ZNF618: variants seen among roughly 807,000 people sequenced by gnomAD.
The protein encoded by ZNF618 is neural precursor cell expressed, developmentally down-regulated 10.
Under a neutral mutation model 103.0 loss-of-function variants are expected in ZNF618, and 34 were observed. The observed-to-expected ratio is 0.33, with a 90% CI of 0.25 to 0.44. The LOEUF (loss-of-function observed/expected upper bound fraction) is 0.44, where lower values mean the gene tolerates loss of function less well. ZNF618 is among the 20% of genes least tolerant of loss of function. The pLI is 1.00. For synonymous variants in ZNF618, 551 were observed against 542.2 expected (o/e 1.02, Z -0.23); for missense variants, 1,059 against 1,295.4 (o/e 0.82, Z 2.80).
intron 3 of ZNF618, among the ~76,000 whole-genome samples, chr9:113,994,266 G>T (rs1221138238): frequency 1.3e-5 from 2 of 152,248 alleles, no homozygotes; most frequent in Non-Finnish European, 2.9e-5. Flanking sequence ...GCCTGTGACA[G>T]ACCCAGGCAG....
chr9:113,878,686 C>T (rs751409215), intron 1 of ZNF618, among the ~76,000 whole-genome samples: 3 of 152,094 alleles, frequency 2.0e-5, no homozygotes, highest in Admixed American at 6.5e-5. Context: ...ACTTGCAGGG[C>T]GGGATCTTGG....
intron 13 of ZNF618, among the ~76,000 whole-genome samples, chr9:114,044,642 T>A (rs1284962327): frequency 1.3e-5 from 2 of 152,190 alleles, no homozygotes; most frequent in African/African-American, 4.8e-5. Flanking sequence ...GTATGGTCAT[T>A]TTCACAATAT....
At position 113,911,247 on chromosome 9, in the gene ZNF618, A is replaced by C. The variant is rs188565250; in HGVS notation, c.33+34834A>C. Among the ~76,000 whole-genome samples, 3 of 152,386 alleles carry C rather than the reference A, an allele frequency of 2.0e-5. No homozygotes were observed. The East Asian group carries it at 5.8e-4, about 29-fold the overall frequency. ...ATAGAAAAAGAAAACACAGAAAAGT[A>C]TGAGGAAGAAAGAAAATCACCTAGA... On this transcript the variant is annotated intron_variant, in intron 1 of 14. Coordinates refer to ENST00000374126, the MANE Select transcript of ZNF618 (RefSeq NM_001318042.2).
chr9:114,027,771 G>T (rs920037957), intron 10 of ZNF618: 2 of 152,194 alleles, frequency 1.3e-5, no homozygotes, highest in African/African-American at 4.8e-5. Context: ...GGCAGGTCAG[G>T]GCTGTGGCCA....
At chr9:113,926,418 A>G (rs1007438847) in intron 1 of ZNF618, among the ~76,000 whole-genome samples, 4 of 151,606 alleles carry the variant, frequency 2.6e-5, no homozygotes, top group African/African-American at 9.7e-5. Context: ...TGTGTCTGTC[A>G]TTAATTTTGG....
At chr9:113,925,228 T>G (rs1409530991) in intron 1 of ZNF618, among the ~76,000 whole-genome samples, 1 of 152,104 alleles carries the variant, frequency 6.6e-6, no homozygotes, top group East Asian at 1.9e-4. Context: ...CTTGGAGAAT[T>G]GACCCCTTTA....
chr9:113,888,468 C>T (rs1829284379), intron 1 of ZNF618, among the ~76,000 whole-genome samples: 1 of 152,262 alleles, frequency 6.6e-6, no homozygotes, highest in Non-Finnish European at 1.5e-5. Context: ...AGAAGGTTTG[C>T]TGTAATTAAT....
intron 6 of ZNF618, among the ~76,000 whole-genome samples, chr9:114,004,313 C>T (rs957173952): frequency 1.3e-5 from 2 of 152,196 alleles, no homozygotes; most frequent in Middle Eastern, 3.2e-3. Flanking sequence ...GCTGGGCCCT[C>T]CCCCTCCAGC....
chr9:113,889,187 T>A (rs1587941265), intron 1 of ZNF618, among the ~76,000 whole-genome samples: 1 of 152,050 alleles, frequency 6.6e-6, no homozygotes, highest in Non-Finnish European at 1.5e-5. Context: ...TGGCTCAGGG[T>A]CTTTCTGTGG....
At chr9:114,025,533 C>A (rs1250905479) in intron 10 of ZNF618, among the ~76,000 whole-genome samples, 6 of 152,228 alleles carry the variant, frequency 3.9e-5, no homozygotes, top group African/African-American at 1.4e-4. Flanking sequence ...GTCTGAGACT[C>A]TTTCATGCTT....
At chr9:113,921,952 G>A (rs1355241176) in intron 1 of ZNF618, among the ~76,000 whole-genome samples, 1 of 151,958 alleles carries the variant, frequency 6.6e-6, no homozygotes, top group Non-Finnish European at 1.5e-5. Flanking sequence ...GAACAGTTAG[G>A]AAGTTCCAAT....
intron 2 of ZNF618, among the ~76,000 whole-genome samples, chr9:113,970,600 A>G (rs1344145941): frequency 6.6e-6 from 1 of 151,928 alleles, no homozygotes; most frequent in Non-Finnish European, 1.5e-5. Flanking sequence ...CCCCTACCTG[A>G]GAGCTTCTGC....
At chr9:114,011,617 A>G (rs1842255593) in intron 9 of ZNF618, among the ~76,000 whole-genome samples, 1 of 152,236 alleles carries the variant, frequency 6.6e-6, no homozygotes, top group African/African-American at 2.4e-5. Flanking sequence ...CAGAACGCGA[A>G]AAACGATTAG....
In ZNF618 at chr9:114,007,399, C is replaced by T. The variant is rs1268390366; in HGVS notation, c.600C>T (p.Tyr200=). ...CDICGKKYKY[Y]SCFQEHRDLH... is the part of the protein sequence containing the mutation. Reference sequence around the variant, plus strand: ...TCTGCGGGAAGAAGTACAAATACTACAGCTGTTTCCAAGAGCACCGAGACC... The same window carrying T: ...TCTGCGGGAAGAAGTACAAATACTATAGCTGTTTCCAAGAGCACCGAGACC... Residue 200 remains tyrosine, a synonymous_variant, in exon 7 of 15, where the codon TAC becomes TAT. Transcript: ENST00000374126. 3.1e-6 allele frequency: 5 copies of T among 1,596,402 alleles called. No homozygotes were observed. The highest frequency in any genetic ancestry group is 3.4e-5 in the Admixed American group (2 of 58,688).
At chr9:113,923,587 A>G (rs894927556) in intron 1 of ZNF618, among the ~76,000 whole-genome samples, 3 of 152,108 alleles carry the variant, frequency 2.0e-5, no homozygotes, top group African/African-American at 7.2e-5. Flanking sequence ...GGGTTACACT[A>G]TTGATTTTCA....
chr9:114,005,421 C>T (rs953225968), intron 6 of ZNF618, among the ~76,000 whole-genome samples: 3 of 152,170 alleles, frequency 2.0e-5, no homozygotes, highest in Non-Finnish European at 4.4e-5. Context: ...AGAGATGTCA[C>T]GGTGTCAGAG....
At chr9:113,952,273 C>T in intron 1 of ZNF618, among the ~76,000 whole-genome samples, 1 of 152,150 alleles carries the variant, frequency 6.6e-6, no homozygotes, top group Non-Finnish European at 1.5e-5. Flanking sequence ...TTAGGAAGGG[C>T]TGGGATCTTC....
chr9:113,968,567 C>G (rs1837650610), intron 1 of ZNF618, among the ~76,000 whole-genome samples: 1 of 152,120 alleles, frequency 6.6e-6, no homozygotes, highest in Non-Finnish European at 1.5e-5. Flanking sequence ...AGGCCCCAGT[C>G]TCTGCATCTG....
At position 113,919,567 on chromosome 9, in the gene ZNF618, C is replaced by A. The variant is rs575159120; in HGVS notation, c.33+43154C>A. On this transcript the variant is annotated intron_variant, in intron 1 of 14. Transcript: ENST00000374126. ...CAGGAGCGAACTTGGCGAGTGGTAG[C>A]CTTTTCATAGTCAGGAGAGGCCTGG... Among the ~76,000 whole-genome samples the A allele has an allele frequency of 1.4e-4, 21 of 152,348 alleles. No individual in the cohort carries two copies. The South Asian group carries it at 3.9e-3, about 29-fold the overall frequency.
Sources: gnomAD v4.1 joint callset for allele counts (sites outside exome capture counted in the v4.1 genomes callset) on GRCh38, gnomAD v4.1.1 for gene constraint, MANE v1.5 for transcripts, NCBI Gene and HGNC (gene_info 2026-07-23, HGNC 2026-07-21) for gene names.